The following SHISA9 variants were observed in gnomAD, a reference collection of about 807,000 sequenced individuals.
The protein encoded by SHISA9 is shisa family member 9, also known as protein shisa-9.
A neutral mutation model predicts 38.0 loss-of-function variants in SHISA9; 13 were observed. That is an observed-to-expected ratio of 0.34 (90% CI 0.22 to 0.54). The LOEUF is 0.54. SHISA9 is among the 20% of genes least tolerant of loss of function. The probability of loss-of-function intolerance (pLI) is 0.91; values close to 1 mark genes in which losing one functional copy is unlikely to be tolerated. For missense variants in SHISA9, 538 were observed against 575.8 expected (o/e 0.93, Z 0.67); for synonymous variants, 275 against 242.0 (o/e 1.14, Z -1.27).
At chr16:13,347,588 A>G in the SHISA9 span, among the ~76,000 whole-genome samples, 1 of 152,192 alleles carries the variant, frequency 6.6e-6, no homozygotes, top group Admixed American at 6.5e-5. Context: ...CTGGACAAAG[A>G]AAAAAATACT....
chr16:13,314,480 T>C, the SHISA9 span, among the ~76,000 whole-genome samples: 1 of 152,092 alleles, frequency 6.6e-6, no homozygotes, highest in African/African-American at 2.4e-5. Flanking sequence ...CCTTTGGTGA[T>C]CCTCCCACCT....
the SHISA9 span, among the ~76,000 whole-genome samples, chr16:13,296,045 C>T: frequency 6.6e-6 from 1 of 152,092 alleles, no homozygotes; most frequent in Non-Finnish European, 1.5e-5. Flanking sequence ...TGAAAAGTGT[C>T]TCTTAATCCA....
intron 2 of SHISA9, among the ~76,000 whole-genome samples, chr16:13,023,397 AT>A (rs1361093198): frequency 6.6e-6 from 1 of 152,056 alleles, no homozygotes; most frequent in Non-Finnish European, 1.5e-5. Flanking sequence ...TATGTGCCAC[AT>A]TTTCTTAATG....
At chr16:13,263,330 G>A in the SHISA9 span, among the ~76,000 whole-genome samples, 1,423 of 152,298 alleles carry the variant, frequency 9.3e-3, 8 homozygotes, top group Middle Eastern at 0.02. Context: ...CATGTTGGAG[G>A]TGGGGCCTGG....
chr16:12,959,518 C>G (rs2071880718), intron 2 of SHISA9, among the ~76,000 whole-genome samples: 1 of 152,126 alleles, frequency 6.6e-6, no homozygotes, highest in South Asian at 2.1e-4. Context: ...AAACTCAGGG[C>G]AGCTGGAGAA....
chr16:12,928,332 A>G (rs57772402), intron 2 of SHISA9, among the ~76,000 whole-genome samples: 11 of 88,096 alleles, frequency 1.2e-4, no homozygotes, highest in South Asian at 3.7e-4. Flanking sequence ...GTGTGTGTGT[A>G]TGTGTGTGTG....
rs573789636 is a variant in SHISA9 at position 13,172,412 on chromosome 16, G to T, written c.692-30982G>T. On this transcript the variant is annotated intron_variant, in intron 2 of 4. Coordinates refer to ENST00000558583, the MANE Select transcript of SHISA9 (RefSeq NM_001145204.3). The stretch of plus-strand genomic sequence containing the variant: ...CTAAATAAAGCCAGGTAACTGGCTG[G>T]TTGTTCATCCTCAAGGGAATTAGTA... Among the ~76,000 whole-genome samples, 7 of 152,336 alleles carry T rather than the reference G, an allele frequency of 4.6e-5. No individual in the cohort carries two copies. The South Asian group carries it at 1.4e-3, about 32-fold the overall frequency.
chr16:13,026,894 G>C (rs1016844996), intron 2 of SHISA9, among the ~76,000 whole-genome samples: 2 of 152,138 alleles, frequency 1.3e-5, no homozygotes, highest in African/African-American at 4.8e-5. Flanking sequence ...CTTTGGCTGC[G>C]GGAAGGGAAA....
intron 2 of SHISA9, among the ~76,000 whole-genome samples, chr16:12,996,058 T>A (rs1010344921): frequency 1.3e-5 from 2 of 152,178 alleles, no homozygotes; most frequent in Admixed American, 1.3e-4. Context: ...GTTTTCTGGA[T>A]CCAGGACACA....
At chr16:12,988,213 C>T (rs1394529538) in intron 2 of SHISA9, among the ~76,000 whole-genome samples, 1 of 152,180 alleles carries the variant, frequency 6.6e-6, no homozygotes, top group African/African-American at 2.4e-5. Context: ...TTGGAAGGTC[C>T]TTTTCTGGTA....
In SHISA9 at chr16:12,970,493, ATATATTTTTTTTTTT is replaced by A. The variant is rs1395765177; in HGVS notation, c.691+53680_691+53694del. ...TGTATATATATATATATATATATAT[ATATATTTTTTTTTTT>A]TTTTTTTTTTTTTTTTTTTTGAGAC... is the stretch of plus-strand genomic sequence containing the variant. On this transcript the variant is annotated intron_variant, in intron 2 of 4. Transcript: ENST00000558583. 4.0e-4 allele frequency among the ~76,000 whole-genome samples: 12 copies of A among 30,368 alleles called. 1 individual carries two copies. The East Asian group carries it at 8.6e-3, about 22-fold the overall frequency. The allele number at this position is 30,368 out of a possible 152,430, so 19.9% of individuals were successfully genotyped here. A position where few individuals can be genotyped will look rare whatever the true frequency, so the allele number is the denominator to read the frequency against.
chr16:13,530,157 C>T, the SHISA9 span, among the ~76,000 whole-genome samples: 2 of 152,074 alleles, frequency 1.3e-5, no homozygotes, highest in South Asian at 4.2e-4. Context: ...AAAAATTAGC[C>T]AGGCCTGGTG....
At chr16:13,357,105 C>G in the SHISA9 span, among the ~76,000 whole-genome samples, 1 of 151,898 alleles carries the variant, frequency 6.6e-6, no homozygotes, top group African/African-American at 2.4e-5. Context: ...AGGGTTCTTG[C>G]CCTCCAGAAA....
At chr16:13,502,213 C>A in the SHISA9 span, among the ~76,000 whole-genome samples, 18 of 136,612 alleles carry the variant, frequency 1.3e-4, no homozygotes, top group African/African-American at 4.3e-4. Context: ...CAAAATAAAC[C>A]AAAGCAAGCA....
chr16:12,934,620 C>G (rs756307520), intron 2 of SHISA9, among the ~76,000 whole-genome samples: 4 of 152,172 alleles, frequency 2.6e-5, no homozygotes, highest in Non-Finnish European at 5.9e-5. Flanking sequence ...CGTTATGTCT[C>G]AAGGCAATAC....
chr16:13,360,324 G>T, the SHISA9 span, among the ~76,000 whole-genome samples: 2 of 152,132 alleles, frequency 1.3e-5, no homozygotes, highest in Admixed American at 1.3e-4. Context: ...CTGTCTCAGG[G>T]CTTGATATGG....
At chr16:13,554,359 T>TA in the SHISA9 span, among the ~76,000 whole-genome samples, 1 of 151,384 alleles carries the variant, frequency 6.6e-6, no homozygotes, top group Non-Finnish European at 1.5e-5. Context: ...GGCATGGGGA[T>TA]AAGGAAACAG....
the SHISA9 span, among the ~76,000 whole-genome samples, chr16:13,540,837 A>T: frequency 2.0e-5 from 3 of 152,166 alleles, no homozygotes; most frequent in Non-Finnish European, 4.4e-5. Context: ...TTGTTAAAGT[A>T]TATTTCATCA....
At chr16:13,552,752 T>C in the SHISA9 span, among the ~76,000 whole-genome samples, 1 of 152,120 alleles carries the variant, frequency 6.6e-6, no homozygotes, top group Non-Finnish European at 1.5e-5. Flanking sequence ...AGTTTTTTTT[T>C]AAGTGAGAAT....
Sources: allele counts gnomAD v4.1 joint callset (sites outside exome capture counted in the v4.1 genomes callset), GRCh38; gene constraint gnomAD v4.1.1; transcripts MANE v1.5; gene names NCBI Gene and HGNC (gene_info 2026-07-23, HGNC 2026-07-21).